ERBIN: variants seen among roughly 807,000 people sequenced by gnomAD.
The protein encoded by ERBIN is densin-180-like protein.
A neutral mutation model predicts 158.4 loss-of-function variants in ERBIN; 60 were observed. The ratio of observed to expected loss-of-function variants is 0.38; its 90% confidence interval spans 0.31 to 0.47. The LOEUF (loss-of-function observed/expected upper bound fraction) is 0.47. Among genes scored for constraint, ERBIN ranks in the 20% least tolerant of loss-of-function variants. ERBIN has a pLI of 0.99. For synonymous variants in ERBIN, 594 were observed against 557.2 expected (o/e 1.07, Z -0.93); for missense variants, 1,610 against 1,648.0 (o/e 0.98, Z 0.40).
Position 65,929,304 on chromosome 5 carries a change from G to A in ERBIN, c.-58+2498G>A, listed in dbSNP as rs904893899. Among the ~76,000 whole-genome samples the A allele has an allele frequency of 5.7e-4, 87 of 152,212 alleles. 1 individual carries two copies. Among genetic ancestry groups the A allele is most frequent in the Admixed American group, 6.5e-4 (10 of 15,284 alleles). ...AATAGTTAAAAGTTTCAGAAAATAG[G>A]TGTATATTTCAAAATTACTTATTTG... On this transcript the variant is annotated intron_variant, in intron 1 of 25. Coordinates refer to ENST00000284037, the MANE Select transcript of ERBIN (RefSeq NM_001253697.2).
In ERBIN at chr5:66,054,511, C is replaced by A; in HGVS notation, c.3193C>A (p.Leu1065Ile). 6.2e-7 allele frequency: 1 copy of A among 1,614,210 alleles called. No homozygotes were observed. ...GTGGGCCATCTCACCAAACGACCGA[C>A]TTATTCCTGCAGTAACTCGAAGTAC... ...EMWAISPNDR[L>I]IPAVTRSTIQ... The change falls in exon 21 of 26, where the codon CTT (leucine) becomes ATT (isoleucine). Residue 1065 changes from leucine (L) to isoleucine (I), a missense_variant. Physicochemically the swap from Leu to Ile is conservative, Grantham distance 5 (BLOSUM62 2). Coordinates refer to ENST00000284037, the MANE Select transcript of ERBIN (RefSeq NM_001253697.2).
At chr5:65,977,944 T>C (rs945755466) in intron 1 of ERBIN, among the ~76,000 whole-genome samples, 2 of 135,472 alleles carry the variant, frequency 1.5e-5, no homozygotes, top group African/African-American at 6.1e-5. Flanking sequence ...CACTCGCGGT[T>C]AGGGAGAGGG....
chr5:66,057,599 G>A (rs1179411666), intron 21 of ERBIN, among the ~76,000 whole-genome samples: 2 of 151,816 alleles, frequency 1.3e-5, no homozygotes, highest in East Asian at 1.9e-4. Context: ...TGTGCACAAC[G>A]TGCAGGTTTG....
At chr5:66,005,897 C>G (rs1048933900) in intron 4 of ERBIN, among the ~76,000 whole-genome samples, 65 of 152,026 alleles carry the variant, frequency 4.3e-4, no homozygotes, top group African/African-American at 1.4e-3. Flanking sequence ...AATAAAAGAG[C>G]ATACAAACAA....
chr5:65,993,592 TTTAA>T (rs1475513467), intron 3 of ERBIN, among the ~76,000 whole-genome samples: 1 of 140,770 alleles, frequency 7.1e-6, no homozygotes, highest in Non-Finnish European at 1.5e-5. Context: ...TTGCTATATA[TTTAA>T]TTGTTAATTG....
intron 13 of ERBIN, among the ~76,000 whole-genome samples, chr5:66,026,868 A>T (rs1756313251): frequency 6.6e-6 from 1 of 151,990 alleles, no homozygotes; most frequent in Non-Finnish European, 1.5e-5. Flanking sequence ...TTCTGAAGTC[A>T]CATCTTCACC....
intron 21 of ERBIN, 110 bp downstream of exon 21, chr5:66,055,061 G>A: frequency 7.0e-7 from 1 of 1,426,480 alleles, no homozygotes; most frequent in Non-Finnish European, 9.1e-7. Flanking sequence ...TATTCTAGGT[G>A]TTTTTCTCTG....
chr5:66,050,833 A>G lies in ERBIN; in HGVS notation c.1954A>G (p.Asn652Asp). 2 of 1,596,408 alleles carry G rather than the reference A, an allele frequency of 1.3e-6. No individual in the cohort carries two copies. Among genetic ancestry groups the G allele is most frequent in the South Asian group, 2.3e-5 (2 of 87,024 alleles). Residue 652 changes from asparagine to aspartate, a missense_variant, in exon 20 of 26, where the codon AAT becomes GAT. Asn to Asp is a conservative substitution (Grantham distance 23). Around this residue, in one of 2 missense-constraint regions of ERBIN, gnomAD observed 1,014 missense variants for 936.1 expected, o/e 1.08. Transcript: ENST00000284037. ...SLSDEVTHNS[N>D]QNNSNCSSPS... ...ATCAGATGAAGTTACACACAATAGC[A>G]ATCAGAATAACAGCAATTGTTCTTC...
chr5:66,067,448 G>A (rs577469481), intron 21 of ERBIN, among the ~76,000 whole-genome samples: 35 of 152,218 alleles, frequency 2.3e-4, no homozygotes, highest in African/African-American at 7.9e-4. Context: ...CAGCACTCAG[G>A]GACATGACTA....
intron 21 of ERBIN, among the ~76,000 whole-genome samples, chr5:66,063,804 A>C (rs1760714214): frequency 1.3e-5 from 2 of 152,210 alleles, no homozygotes; most frequent in Non-Finnish European, 2.9e-5. Flanking sequence ...TTTTCTGTTA[A>C]ATATACTTAT....
intron 1 of ERBIN, among the ~76,000 whole-genome samples, chr5:65,980,145 G>A (rs1750490897): frequency 6.6e-6 from 1 of 152,228 alleles, no homozygotes; most frequent in African/African-American, 2.4e-5. Context: ...ACTGGGTGTG[G>A]TGGCTCACAC....
At chr5:65,949,577 A>G (rs150889537) in intron 1 of ERBIN, among the ~76,000 whole-genome samples, 4 of 152,356 alleles carry the variant, frequency 2.6e-5, no homozygotes, top group African/African-American at 9.6e-5. Flanking sequence ...TAACTGGATT[A>G]GTTGTCGTTT....
At chr5:65,995,205 A>C (rs1227934796) in intron 4 of ERBIN, among the ~76,000 whole-genome samples, 1 of 152,158 alleles carries the variant, frequency 6.6e-6, no homozygotes, top group East Asian at 1.9e-4. Context: ...ATCATGTTGC[A>C]GGATAGATCT....
intron 1 of ERBIN, among the ~76,000 whole-genome samples, chr5:65,943,820 A>G (rs1219636232): frequency 1.3e-5 from 2 of 152,192 alleles, no homozygotes; most frequent in Admixed American, 6.5e-5. Context: ...TCATTTTGCA[A>G]AACTTTAACT....
At chr5:66,028,392 T>C in intron 14 of ERBIN, 49 bp downstream of exon 14, 1 of 1,489,228 alleles carries the variant, frequency 6.7e-7, no homozygotes, top group Non-Finnish European at 9.3e-7. Flanking sequence ...TTGTGTTATA[T>C]AGTTTTGCAC....
chr5:65,939,507 T>C (rs1000010478), intron 1 of ERBIN, among the ~76,000 whole-genome samples: 3 of 151,736 alleles, frequency 2.0e-5, no homozygotes, highest in African/African-American at 7.3e-5. Context: ...GCCTCCGCTC[T>C]CCCTCTCCCT....
At chr5:66,076,226 G>C (rs567175741) in intron 23 of ERBIN, 90 bp from the exon 24 acceptor site, 1 of 925,100 alleles carries the variant, frequency 1.1e-6, no homozygotes, top group East Asian at 2.5e-5. Flanking sequence ...TGTTTGCTTG[G>C]ACTTAACCAA....
chr5:65,992,981 C>A, intron 3 of ERBIN, 74 bp downstream of exon 3: 1 of 1,161,568 alleles, frequency 8.6e-7, no homozygotes, highest in Non-Finnish European at 1.2e-6. Context: ...CCTAATATTG[C>A]TATAAAGTTG....
intron 1 of ERBIN, among the ~76,000 whole-genome samples, chr5:65,933,425 C>A (rs1743687309): frequency 6.6e-6 from 1 of 152,128 alleles, no homozygotes; most frequent in Admixed American, 6.5e-5. Flanking sequence ...GGTAGCTTGA[C>A]CTTTTGGTAC....
Sources: gnomAD v4.1 joint callset for allele counts (sites outside exome capture counted in the v4.1 genomes callset) on GRCh38, gnomAD v4.1.1 for gene constraint, gnomAD v4.1.1 regional missense constraint, MANE v1.5 for transcripts, NCBI Gene and HGNC (gene_info 2026-07-23, HGNC 2026-07-21) for gene names.